The following ITSN1 variants were observed in gnomAD, a reference collection of about 807,000 sequenced individuals.
ITSN1 encodes intersectin-1.
Under a neutral mutation model 239.8 loss-of-function variants are expected in ITSN1, and 58 were observed. The observed-to-expected ratio is 0.24, with a 90% confidence interval of 0.20 to 0.30. ITSN1 has a LOEUF of 0.30. Among genes scored for constraint, ITSN1 ranks in the 10% least tolerant of loss-of-function variants. ITSN1 has a pLI of 1.00. For synonymous variants in ITSN1, 780 were observed against 770.8 expected (o/e 1.01, Z -0.20); for missense variants, 1,558 against 2,103.3 (o/e 0.74, Z 5.07).
chr21:33,736,361 T>G (rs1050220660), intron 5 of ITSN1, among the ~76,000 whole-genome samples: 5 of 152,380 alleles, frequency 3.3e-5, no homozygotes, highest in Admixed American at 1.3e-4. Context: ...CTTACTAGGT[T>G]TCCTATTAAA....
chr21:33,647,085 G>A (rs2088027614), intron 1 of ITSN1, among the ~76,000 whole-genome samples: 1 of 151,946 alleles, frequency 6.6e-6, no homozygotes, highest in African/African-American at 2.4e-5. Flanking sequence ...TATTTAATAA[G>A]CTATCAAATA....
chr21:33,799,943 C>T lies in ITSN1; in HGVS notation c.2304+14C>T, dbSNP rs1395416054. On this transcript the variant is annotated intron_variant, in intron 19 of 39. Transcript: ENST00000381318. ...GACATAGTCATGGTAAGAAAGACTC[C>T]AGTGAGAGGGTCATTTCTGTTGAAG... 5 of 1,610,630 alleles carry T rather than the reference C, an allele frequency of 3.1e-6. No homozygotes were observed. The highest frequency in any genetic ancestry group is 4.2e-6 in the Non-Finnish European group (5 of 1,178,830).
At chr21:33,732,830 A>C (rs565722254) in intron 4 of ITSN1, among the ~76,000 whole-genome samples, 1 of 152,220 alleles carries the variant, frequency 6.6e-6, no homozygotes, top group Non-Finnish European at 1.5e-5. Context: ...TGTTTCATCT[A>C]AAATCTGGCA....
At chr21:33,824,958 A>G (rs1433744182) in intron 25 of ITSN1, among the ~76,000 whole-genome samples, 10 of 152,172 alleles carry the variant, frequency 6.6e-5, no homozygotes, top group Non-Finnish European at 1.3e-4. Flanking sequence ...AGAGAATTCA[A>G]TTCTTCTCCA....
intron 1 of ITSN1, among the ~76,000 whole-genome samples, chr21:33,664,568 G>T (rs1383091233): frequency 2.0e-5 from 3 of 152,100 alleles, no homozygotes; most frequent in African/African-American, 7.2e-5. Flanking sequence ...ATTTGGTGGG[G>T]ACACATAGCA....
rs116558847 is a variant in ITSN1 at position 33,788,276 on chromosome 21, T to C, written c.1825-6065T>C. Among the ~76,000 whole-genome samples the C allele has an allele frequency of 7.7e-3, 1,167 of 151,290 alleles. 15 individuals carry two copies. The highest frequency in any genetic ancestry group is 0.027 in the African/African-American group (1,113 of 41,220). ...AGAGCTTCTAGCTCTTCTGCCCACC[T>C]CCTTCCACACACACACCTTGCTCCA... On this transcript the variant is annotated intron_variant, in intron 16 of 39. Coordinates refer to ENST00000381318, the MANE Select transcript of ITSN1 (RefSeq NM_003024.3).
intron 4 of ITSN1, among the ~76,000 whole-genome samples, chr21:33,728,855 A>G (rs1479742461): frequency 1.3e-5 from 2 of 152,080 alleles, no homozygotes; most frequent in African/African-American, 4.8e-5. Flanking sequence ...ATATAACCCC[A>G]ATTTCCAGAT....
At chr21:33,702,078 A>T (rs58799520) in intron 1 of ITSN1, among the ~76,000 whole-genome samples, 1 of 150,302 alleles carries the variant, frequency 6.7e-6, no homozygotes, top group Non-Finnish European at 1.5e-5. Context: ...AAAAAACAAA[A>T]AAACAAACAA....
intron 9 of ITSN1, among the ~76,000 whole-genome samples, chr21:33,764,589 T>G (rs75978259): frequency 0.025 from 3,786 of 152,244 alleles, 166 homozygotes; most frequent in African/African-American, 0.087. Context: ...TTCTGTATGT[T>G]GTGGTTCATG....
chr21:33,767,082 C>T (rs937521424), intron 10 of ITSN1, among the ~76,000 whole-genome samples: 4 of 152,060 alleles, frequency 2.6e-5, no homozygotes, highest in South Asian at 2.1e-4. Flanking sequence ...GCAGGAGAAT[C>T]GCTTGAGCCC....
chr21:33,728,820 G>A (rs1475100654), intron 4 of ITSN1, among the ~76,000 whole-genome samples: 4 of 152,164 alleles, frequency 2.6e-5, no homozygotes, highest in Non-Finnish European at 5.9e-5. Flanking sequence ...GCTCTGTGGT[G>A]CTAGGAACTG....
At chr21:33,720,514 A>G (rs2065418678) in intron 2 of ITSN1, among the ~76,000 whole-genome samples, 1 of 152,184 alleles carries the variant, frequency 6.6e-6, no homozygotes, top group African/African-American at 2.4e-5. Flanking sequence ...AGGAAAACCT[A>G]AAACCCATTC....
rs754635825 is a variant in ITSN1, at chr21:33,899,766, TCAAAAA to T, written c.*11485_*11490del. ...CTTGAACCTAAAAAGAACAATCTCT[TCAAAAA>T]CAAAAACAAAAACAAAAAACAACTC... On this transcript the variant is annotated 3_prime_UTR_variant, in exon 40 of 40. Transcript: ENST00000381318. 21 of 150,550 alleles carry T rather than the reference TCAAAAA, an allele frequency of 1.4e-4. No individual in the cohort carries two copies. Among genetic ancestry groups the T allele is most frequent in the East Asian group, 8.2e-4 (4 of 4,872 alleles). The allele number at this position is 150,550 out of a possible 1,614,324, so 9.3% of individuals were successfully genotyped here.
chr21:33,847,284 G>A (rs2075015927), intron 29 of ITSN1, among the ~76,000 whole-genome samples: 1 of 152,182 alleles, frequency 6.6e-6, no homozygotes, highest in African/African-American at 2.4e-5. Context: ...AGAAGGCCTG[G>A]CTGCCTTGGC....
intron 16 of ITSN1, among the ~76,000 whole-genome samples, chr21:33,789,954 A>C (rs948804360): frequency 6.6e-6 from 1 of 152,166 alleles, no homozygotes; most frequent in Non-Finnish European, 1.5e-5. Context: ...TCTTTAGGGG[A>C]AATAAGTGAC....
At chr21:33,733,542 A>G (rs2066317124) in intron 4 of ITSN1, among the ~76,000 whole-genome samples, 1 of 152,228 alleles carries the variant, frequency 6.6e-6, no homozygotes, top group African/African-American at 2.4e-5. Context: ...ACAAATAATG[A>G]ATTTTTAAAA....
chr21:33,847,192 A>G (rs1405116832), intron 29 of ITSN1, among the ~76,000 whole-genome samples: 1 of 152,192 alleles, frequency 6.6e-6, no homozygotes, highest in Non-Finnish European at 1.5e-5. Flanking sequence ...GCCCCTCTGG[A>G]CAGCTCAGAG....
At chr21:33,725,440 A>C in intron 4 of ITSN1, among the ~76,000 whole-genome samples, 1 of 151,844 alleles carries the variant, frequency 6.6e-6, no homozygotes, top group East Asian at 1.9e-4. Context: ...GGCCAAAAAA[A>C]TTTTTTTTAA....
chr21:33,694,514 CTTTATTT>C (rs985742331), intron 1 of ITSN1, among the ~76,000 whole-genome samples: 61 of 152,102 alleles, frequency 4.0e-4, no homozygotes, highest in African/African-American at 1.2e-3. Flanking sequence ...AACATTTTTC[CTTTATTT>C]TTTAAGAGAA....
Sources: allele counts gnomAD v4.1 joint callset (sites outside exome capture counted in the v4.1 genomes callset), GRCh38; gene constraint gnomAD v4.1.1; transcripts MANE v1.5; gene names NCBI Gene and HGNC (gene_info 2026-07-23, HGNC 2026-07-21).